CPNE2: variants seen among roughly 807,000 people sequenced by gnomAD.
The protein encoded by CPNE2 is copine 2.
A neutral mutation model predicts 69.7 loss-of-function variants in CPNE2; 42 were observed. The observed-to-expected ratio is 0.60, with a 90% CI of 0.47 to 0.78. CPNE2 has a LOEUF of 0.78. Ranked by LOEUF, CPNE2 falls within the 30% of genes least tolerant of loss-of-function variation. The pLI, the probability that CPNE2 is intolerant of heterozygous loss-of-function variation, is 0.00. For missense variants in CPNE2, 587 were observed against 732.0 expected, an observed-to-expected ratio of 0.80 and a Z score of 2.29; for synonymous variants, 294 against 289.8, an observed-to-expected ratio of 1.01 and a Z score of -0.15.
chr16:57,121,564 A>C, intron 8 of CPNE2, 110 bp from the exon 9 acceptor site: 1 of 1,049,946 alleles, frequency 9.5e-7, no homozygotes, highest in Non-Finnish European at 1.4e-6. Context: ...CCCTGGAGGA[A>C]GCATGCTGCC....
chr16:57,146,927 C>T lies in CPNE2; in HGVS notation c.1539+606C>T, dbSNP rs1467906366. 1 of 155,912 alleles carries T rather than the reference C, an allele frequency of 6.4e-6. No individual in the cohort carries two copies. Among genetic ancestry groups the T allele is most frequent in the Non-Finnish European group, 1.4e-5 (1 of 70,386 alleles). 9.7% of individuals were successfully genotyped at this position (155,912 alleles called of 1,614,324 possible). ...GGAGTCCCATAGGGGAGCAGTCTCT[C>T]CACTGTACCGCTGTACTGTAATGCC... On this transcript the variant is annotated intron_variant, in intron 15 of 15. Coordinates refer to ENST00000290776, the MANE Select transcript of CPNE2 (RefSeq NM_152727.6). The surrounding 1 kb of genome is among the most constrained non-coding windows in gnomAD (Gnocchi z 4.4).
intron 1 of CPNE2, among the ~76,000 whole-genome samples, chr16:57,108,542 G>T (rs2069661518): frequency 6.6e-6 from 1 of 152,258 alleles, no homozygotes; most frequent in South Asian, 2.1e-4. Flanking sequence ...CAACCACTGG[G>T]ATGACAGGGC....
At chr16:57,138,927 G>A (rs1305937773) in intron 14 of CPNE2, among the ~76,000 whole-genome samples, 5 of 152,234 alleles carry the variant, frequency 3.3e-5, no homozygotes, top group Non-Finnish European at 5.9e-5. Context: ...TGGTCACCAG[G>A]GAGGTGGCAG....
chr16:57,117,658 C>G (rs2069729827), intron 5 of CPNE2, 91 bp downstream of exon 5: 1 of 1,389,654 alleles, frequency 7.2e-7, no homozygotes, highest in Admixed American at 1.9e-5. Context: ...CTCGGGCCAC[C>G]ACCTCCATCA....
chr16:57,092,952 C>A lies in CPNE2; in HGVS notation c.-36+162C>A, dbSNP rs2069553626. On this transcript the variant is annotated intron_variant, in intron 1 of 15. Transcript: ENST00000290776. The surrounding 1 kb of genome is among the most constrained non-coding windows in gnomAD (Gnocchi z 5.3). The stretch of plus-strand genomic sequence containing the variant: ...CCGCCAGCGCGAACCCGGACTCCGG[C>A]GCTTCGGTGACTCAGCTCCGACCCG... Among the ~76,000 whole-genome samples, 1 of 152,100 alleles carries A rather than the reference C, an allele frequency of 6.6e-6. No homozygotes were observed. The highest frequency in any genetic ancestry group is 2.4e-5 in the African/African-American group (1 of 41,442).
At chr16:57,129,176 G>T in intron 12 of CPNE2, 1 of 152,868 alleles carries the variant, frequency 6.5e-6, no homozygotes. Context: ...TCCATTGGAG[G>T]TGAGCAGGGT....
rs778916267 is a variant in CPNE2 at position 57,110,788 on chromosome 16, C to A, written c.46C>A (p.Pro16Thr). The change falls in exon 2 of 16, where the codon CCC (proline) becomes ACC (threonine). Residue 16 changes from proline (P) to threonine (T), a missense_variant. This residue lies in a region of CPNE2 where 96 missense variants were observed against 94.9 expected (regional missense o/e 1.01). Coordinates refer to ENST00000290776, the MANE Select transcript of CPNE2 (RefSeq NM_152727.6). The stretch of plus-strand genomic sequence containing the variant: ...GGGTGCCCCAGCAGCGGGGGCAGCC[C>A]CCATGGGCCCCCAGTATTGCGTGTG... ...SGGAPAAGAA[P>T]MGPQYCVCKV... 7 of 1,613,596 alleles carry A rather than the reference C, an allele frequency of 4.3e-6. No homozygotes were observed. Among genetic ancestry groups the A allele is most frequent in the Non-Finnish European group, 5.9e-6 (7 of 1,179,770 alleles).
At position 57,147,699 on chromosome 16, in the gene CPNE2, C is replaced by A; in HGVS notation, c.*41C>A. 2 of 1,374,858 alleles carry A rather than the reference C, an allele frequency of 1.5e-6. No homozygotes were observed. Among genetic ancestry groups the A allele is most frequent in the Non-Finnish European group, 2.0e-6 (2 of 992,842 alleles). 85.2% of individuals were successfully genotyped at this position (1,374,858 alleles called of 1,614,324 possible). ...AGCAGCATGTCAGCTGAGCCTCCTGCCCTCCCCCAGGAACATGCACGCTCA... is the reference window on the plus strand; with the variant it reads ...AGCAGCATGTCAGCTGAGCCTCCTGACCTCCCCCAGGAACATGCACGCTCA... On this transcript the variant is annotated 3_prime_UTR_variant, in exon 16 of 16. Coordinates refer to ENST00000290776, the MANE Select transcript of CPNE2 (RefSeq NM_152727.6).
intron 12 of CPNE2, 84 bp from the exon 13 acceptor site, chr16:57,134,691 G>C: frequency 6.8e-7 from 1 of 1,474,356 alleles, no homozygotes; most frequent in Non-Finnish European, 9.5e-7. Flanking sequence ...CTCTCAAAGG[G>C]AGCCTTGGCC....
At chr16:57,107,204 C>T (rs948007789) in intron 1 of CPNE2, among the ~76,000 whole-genome samples, 28 of 151,390 alleles carry the variant, frequency 1.8e-4, no homozygotes, top group Admixed American at 1.7e-3. Context: ...TAAGAGTGAA[C>T]GCAGTTCACC....
intron 5 of CPNE2, among the ~76,000 whole-genome samples, chr16:57,118,350 C>G: frequency 1.5e-5 from 1 of 66,920 alleles, no homozygotes; most frequent in Non-Finnish European, 4.0e-5. Context: ...TTTTTTTGTA[C>G]TTTTAGTAGA....
intron 1 of CPNE2, among the ~76,000 whole-genome samples, chr16:57,100,416 A>G (rs986486315): frequency 6.6e-6 from 1 of 152,256 alleles, no homozygotes; most frequent in Non-Finnish European, 1.5e-5. Flanking sequence ...TGTTGTCCTG[A>G]GAACAGCCGA....
chr16:57,113,600 A>G, intron 3 of CPNE2, 133 bp downstream of exon 3: 1 of 960,070 alleles, frequency 1.0e-6, no homozygotes. Context: ...AGAGTGGGGA[A>G]CAGTCTTGGC....
intron 8 of CPNE2, 64 bp from the exon 9 acceptor site, chr16:57,121,610 A>G (rs1379423500): frequency 3.3e-6 from 5 of 1,500,766 alleles, no homozygotes; most frequent in Admixed American, 3.4e-5. Flanking sequence ...TTCTAGGGCC[A>G]AGGAGGAGGA....
At position 57,092,973 on chromosome 16, in the gene CPNE2, A is replaced by T. The variant is rs1018271606; in HGVS notation, c.-36+183A>T. Among the ~76,000 whole-genome samples the T allele has an allele frequency of 6.6e-6, 1 of 151,778 alleles. No homozygotes were observed. The highest frequency in any genetic ancestry group is 2.1e-4 in the South Asian group (1 of 4,824). On this transcript the variant is annotated intron_variant, in intron 1 of 15. Transcript: ENST00000290776. The surrounding 1 kb of genome is among the most constrained non-coding windows in gnomAD (Gnocchi z 5.3). The stretch of plus-strand genomic sequence containing the variant: ...CCGGCGCTTCGGTGACTCAGCTCCG[A>T]CCCGGCCACGCGGGGGCGCCCCGCC...
intron 12 of CPNE2, among the ~76,000 whole-genome samples, chr16:57,132,718 T>A (rs1743769249): frequency 4.6e-5 from 7 of 152,174 alleles, no homozygotes; most frequent in Admixed American, 4.6e-4. Context: ...GCAACCAGTA[T>A]GGGAGGGGCT....
chr16:57,136,486 AG>A (rs1308232833), intron 13 of CPNE2, among the ~76,000 whole-genome samples: 2 of 152,234 alleles, frequency 1.3e-5, no homozygotes, highest in Non-Finnish European at 2.9e-5. Context: ...AGCTTCGCCA[AG>A]CCCCTTCTCT....
At chr16:57,137,068 T>C (rs1309752688) in intron 13 of CPNE2, 81 bp from the exon 14 acceptor site, 8 of 1,555,022 alleles carry the variant, frequency 5.1e-6, no homozygotes, top group African/African-American at 1.4e-5. Flanking sequence ...AAGCATGAAA[T>C]AGATGTTTCA....
intron 14 of CPNE2, chr16:57,144,254 T>G (rs1306034989): frequency 6.6e-6 from 1 of 152,386 alleles, no homozygotes; most frequent in Non-Finnish European, 1.5e-5. Context: ...GGCACAGTGC[T>G]GGAGCTAGAC....
Sources: gnomAD v4.1 joint callset for allele counts (sites outside exome capture counted in the v4.1 genomes callset) on GRCh38, gnomAD v4.1.1 for gene constraint, gnomAD v4.1.1 regional missense constraint, Gnocchi (gnomAD v3.1) non-coding constraint, MANE v1.5 for transcripts, NCBI Gene and HGNC (gene_info 2026-07-23, HGNC 2026-07-21) for gene names.